ACTN1: variants seen among roughly 807,000 people sequenced by gnomAD.
ACTN1 encodes actinin alpha 1.
A neutral mutation model predicts 119.6 loss-of-function variants in ACTN1; 30 were observed. The ratio of observed to expected loss-of-function variants is 0.25; its 90% confidence interval spans 0.19 to 0.34. The LOEUF (loss-of-function observed/expected upper bound fraction) is 0.34. Ranked by LOEUF, ACTN1 falls within the 10% of genes least tolerant of loss-of-function variation. ACTN1 has a pLI of 1.00. For synonymous variants in ACTN1, 429 were observed against 472.6 expected, an observed-to-expected ratio of 0.91 and a Z score of 1.20; for missense variants, 764 against 1,223.4, an observed-to-expected ratio of 0.62 and a Z score of 5.60.
rs2030677196 is a variant in ACTN1, at chr14:68,874,903, A to T, written c.2701T>A (p.Tyr901Asn). 6.2e-7 allele frequency: 1 copy of T among 1,608,582 alleles called. No homozygotes were observed. The change falls in exon 22 of 22, where the codon TAC becomes AAC. Residue 901 changes from tyrosine (Y) to asparagine (N), a missense_variant. By Grantham distance (143) the Tyr-to-Asn change is moderately radical. This residue lies in a region of ACTN1 where 102 missense variants were observed against 78.2 expected (regional missense o/e 1.30). Transcript: ENST00000394419. ...GPDSVPGALDYMSFSTALYGE... is the reference protein window; with the variant it reads ...GPDSVPGALDNMSFSTALYGE... ...TACAGCGCCGTGGAGAAGGACATGT[A>T]GTCCAGAGCACCTGGCACGGAGTCG...
intron 4 of ACTN1, 84 bp downstream of exon 4, chr14:68,912,072 G>T: frequency 1.6e-6 from 2 of 1,273,978 alleles, no homozygotes; most frequent in Non-Finnish European, 2.3e-6. Flanking sequence ...AACGTCCGTT[G>T]CCCTGGGTAT....
chr14:68,880,302 G>A lies in ACTN1; in HGVS notation c.2134-194C>T, dbSNP rs1349070759. Among the ~76,000 whole-genome samples, 1 of 152,184 alleles carries A rather than the reference G, an allele frequency of 6.6e-6. No homozygotes were observed. The highest frequency in any genetic ancestry group is 2.4e-5 in the African/African-American group (1 of 41,446). On this transcript the variant is annotated intron_variant, in intron 17 of 21. Transcript: ENST00000394419. This position sits in a 1 kb window ranked among gnomAD's most constrained non-coding sequence, Gnocchi z 4.6. ...TAGGACAAGGACCCTAGATGACCAA[G>A]GGGCAGGGTGGCAGCCTCTGCCTGG... is the stretch of plus-strand genomic sequence containing the variant.
chr14:68,961,730 C>G (rs749725844), intron 1 of ACTN1, among the ~76,000 whole-genome samples: 2 of 152,220 alleles, frequency 1.3e-5, no homozygotes, highest in African/African-American at 4.8e-5. Context: ...TCCCTCACAA[C>G]TGGGCATCTG....
intron 7 of ACTN1, among the ~76,000 whole-genome samples, chr14:68,904,324 T>C (rs1193370055): frequency 2.0e-5 from 3 of 152,082 alleles, no homozygotes; most frequent in East Asian, 1.9e-4. Context: ...AAACTTCCCA[T>C]CCCAAACTGT....
chr14:68,893,128 A>C (rs1009017363), intron 9 of ACTN1, among the ~76,000 whole-genome samples: 3 of 151,994 alleles, frequency 2.0e-5, no homozygotes, highest in Non-Finnish European at 4.4e-5. Context: ...CAACGGGCTG[A>C]ATTCTTTCAA....
chr14:68,881,936 C>CTTTTTTTTTTTTTTTTTTTTTT lies in ACTN1; in HGVS notation c.1953+521_1953+522insAAAAAAAAAAAAAAAAAAAAAA, dbSNP rs781067137. On this transcript the variant is annotated intron_variant, in intron 16 of 21. Coordinates refer to ENST00000394419, the MANE Select transcript of ACTN1 (RefSeq NM_001130004.2). The stretch of plus-strand genomic sequence containing the variant: ...AGTATGGGACTTTCATAGGCAGCTT[C>CTTTTTTTTTTTTTTTTTTTTTT]TTTTTTTTTTTTTTTTTTTGACAGA... 3.1e-4 allele frequency among the ~76,000 whole-genome samples: 18 copies of CTTTTTTTTTTTTTTTTTTTTTT among 58,394 alleles called. 1 individual carries two copies. The highest frequency in any genetic ancestry group is 3.9e-4 in the Non-Finnish European group (13 of 33,048). 38.3% of individuals were successfully genotyped at this position (58,394 alleles called of 152,430 possible). A position where few individuals can be genotyped will look rare whatever the true frequency, so the allele number is the denominator to read the frequency against.
At position 68,883,026 on chromosome 14, in the gene ACTN1, C is replaced by T. The variant is rs2140095069; in HGVS notation, c.1665G>A (p.Lys555=). 1 of 1,614,160 alleles carries T rather than the reference C, an allele frequency of 6.2e-7. No individual in the cohort carries two copies. Among genetic ancestry groups the T allele is most frequent in the South Asian group, 1.1e-5 (1 of 91,078 alleles). ...CCTTGTCGGCATCAGGGAGGGTGGC[C>T]TTGAACTGCTCATGGGCTGTGGTCA... is the stretch of plus-strand genomic sequence containing the variant. ...QGLTTAHEQF[K]ATLPDADKER... The change falls in exon 15 of 22, where the codon AAG becomes AAA. Residue 555 remains lysine, a synonymous_variant. Transcript: ENST00000394419.
chr14:68,890,054 AAAG>A, intron 11 of ACTN1, 82 bp downstream of exon 11: 1 of 1,525,100 alleles, frequency 6.6e-7, no homozygotes, highest in Non-Finnish European at 8.8e-7. Context: ...AATGAAAAGC[AAAG>A]AATAGCATAG....
In ACTN1 at chr14:68,902,549, A is replaced by T; in HGVS notation, c.690T>A (p.Thr230=). 6.2e-7 allele frequency: 1 copy of T among 1,613,822 alleles called. No individual in the cohort carries two copies. The highest frequency in any genetic ancestry group is 1.1e-5 in the South Asian group (1 of 91,080). The change falls in exon 8 of 22, where the codon ACT becomes ACA. Residue 230 remains threonine, a synonymous_variant. Transcript: ENST00000394419. ...KMLDAEDIVG[T]ARPDEKAIMT... ...TGATGGCTTTCTCATCCGGTCGGGC[A>T]GTTCCAACGATGTCTGTCAAGAAAA...
At chr14:68,890,340 T>TCCCCTAGC in intron 10 of ACTN1, 54 bp from the exon 11 acceptor site, 1 of 1,599,856 alleles carries the variant, frequency 6.3e-7, no homozygotes, top group South Asian at 1.1e-5. Context: ...AGGCTTCAGG[T>TCCCCTAGC]CCCCTAGCCC....
At chr14:68,949,810 GACCA>G (rs2036069014) in intron 1 of ACTN1, among the ~76,000 whole-genome samples, 7 of 152,124 alleles carry the variant, frequency 4.6e-5, no homozygotes, top group Non-Finnish European at 1.0e-4. Flanking sequence ...CTGCAACATG[GACCA>G]ACCTTCAAGA....
chr14:68,953,722 CAAAAAAAAAA>C (rs758286195), intron 1 of ACTN1, among the ~76,000 whole-genome samples: 1 of 129,582 alleles, frequency 7.7e-6, no homozygotes. Context: ...ACTAAAAATA[CAAAAAAAAAA>C]AAAAATTAGC....
chr14:68,879,733 C>T lies in ACTN1; in HGVS notation c.2280+229G>A. On this transcript the variant is annotated intron_variant, in intron 18 of 21. Coordinates refer to ENST00000394419, the MANE Select transcript of ACTN1 (RefSeq NM_001130004.2). This position sits in a 1 kb window ranked among gnomAD's most constrained non-coding sequence, Gnocchi z 4.9. Reference sequence around the variant, plus strand: ...CAGGGGTCAAAGGTCCTCTTTCTACCCACAGTCTGAACACTCTCTCCCGGA... The same window carrying T: ...CAGGGGTCAAAGGTCCTCTTTCTACTCACAGTCTGAACACTCTCTCCCGGA... 1.9e-6 allele frequency: 1 copy of T among 520,640 alleles called. No homozygotes were observed. The highest frequency in any genetic ancestry group is 3.4e-6 in the Non-Finnish European group (1 of 295,546). 32.3% of individuals were successfully genotyped at this position (520,640 alleles called of 1,614,324 possible).
intron 11 of ACTN1, chr14:68,887,990 A>G: frequency 3.9e-6 from 3 of 763,556 alleles, no homozygotes; most frequent in Non-Finnish European, 7.3e-6. Flanking sequence ...CTTCGCTTCC[A>G]CTTTTGCAGG....
intron 16 of ACTN1, among the ~76,000 whole-genome samples, chr14:68,881,401 A>C (rs1422111869): frequency 6.6e-6 from 1 of 152,050 alleles, no homozygotes; most frequent in Non-Finnish European, 1.5e-5. Context: ...CTCAGTACCC[A>C]TGCTCTTGCT....
At chr14:68,968,653 T>C (rs1407010626) in intron 1 of ACTN1, among the ~76,000 whole-genome samples, 1 of 152,206 alleles carries the variant, frequency 6.6e-6, no homozygotes, top group African/African-American at 2.4e-5. Flanking sequence ...AAAATAAAAA[T>C]CTGAAGCCAA....
intron 1 of ACTN1, among the ~76,000 whole-genome samples, chr14:68,973,009 C>T (rs770654421): frequency 2.0e-5 from 3 of 152,192 alleles, no homozygotes; most frequent in Admixed American, 6.5e-5. Flanking sequence ...GGGTCATGAA[C>T]GTTGCCACAC....
chr14:68,877,211 G>T lies in ACTN1; in HGVS notation c.2457C>A (p.Ser819Arg). The T allele has an allele frequency of 6.2e-7, 1 of 1,614,146 alleles. No individual in the cohort carries two copies. Among genetic ancestry groups the T allele is most frequent in the Non-Finnish European group, 8.5e-7 (1 of 1,180,024 alleles). The change falls in exon 21 of 22, where the codon AGC becomes AGA. Residue 819 changes from serine to arginine, a missense_variant. Ser to Arg is a moderately radical substitution (Grantham distance 110, BLOSUM62 -1). This residue lies in a region of ACTN1 where 544 missense variants were observed against 912.0 expected (regional missense o/e 0.60). Transcript: ENST00000394419. ...MGEAEFARIMSIVDPNRLGVV... is the reference protein window; with the variant it reads ...MGEAEFARIMRIVDPNRLGVV... ...CCCCCAGGCGGTTGGGGTCCACAAT[G>T]CTCATGATGCGGGCAAATTCTGCTT...
Position 68,882,450 on chromosome 14 carries a change from G to A in ACTN1, c.1953+8C>T, listed in dbSNP as rs1012908702. The A allele has an allele frequency of 1.2e-6, 2 of 1,613,746 alleles. No individual in the cohort carries two copies. The highest frequency in any genetic ancestry group is 2.7e-5 in the African/African-American group (2 of 74,910). On this transcript the variant is annotated splice_region_variant and intron_variant, in intron 16 of 21. Coordinates refer to ENST00000394419, the MANE Select transcript of ACTN1 (RefSeq NM_001130004.2). This position sits in a 1 kb window ranked among gnomAD's most constrained non-coding sequence, Gnocchi z 4.5. ...AGCCCCAGCACTGCTTCCCAGCATGGGACCCACCTCCATCTTGGTCTGGAT... is the reference window on the plus strand; with the variant it reads ...AGCCCCAGCACTGCTTCCCAGCATGAGACCCACCTCCATCTTGGTCTGGAT...
Sources: gnomAD v4.1 joint callset for allele counts (sites outside exome capture counted in the v4.1 genomes callset) on GRCh38, gnomAD v4.1.1 for gene constraint, gnomAD v4.1.1 regional missense constraint, Gnocchi (gnomAD v3.1) non-coding constraint, MANE v1.5 for transcripts, NCBI Gene and HGNC (gene_info 2026-07-23, HGNC 2026-07-21) for gene names.